SLC2A12: variants seen among roughly 807,000 people sequenced by gnomAD.
SLC2A12 encodes the protein solute carrier family 2 member 12, also known as solute carrier family 2, facilitated glucose transporter member 12.
In SLC2A12, 23 loss-of-function variants were observed where a neutral mutation model predicts 41.8. The observed-to-expected ratio is 0.55, with a 90% CI of 0.40 to 0.78. The LOEUF (loss-of-function observed/expected upper bound fraction) is 0.78. Among genes scored for constraint, SLC2A12 ranks in the 30% least tolerant of loss-of-function variants. The pLI is 0.00. For missense variants in SLC2A12, 654 were observed against 745.6 expected (o/e 0.88, Z 1.43); for synonymous variants, 295 against 285.9 (o/e 1.03, Z -0.32).
intron 1 of SLC2A12, among the ~76,000 whole-genome samples, 164 bp from the exon 2 acceptor site, chr6:134,029,885 TAGA>T (rs1444339631): frequency 1.2e-4 from 18 of 152,232 alleles, no homozygotes; most frequent in Non-Finnish European, 2.1e-4. Flanking sequence ...TGATTTGATA[TAGA>T]AGGAGAAATC....
chr6:133,996,804 TTTGATAAC>T (rs1562189759), intron 4 of SLC2A12, among the ~76,000 whole-genome samples: 1 of 152,186 alleles, frequency 6.6e-6, no homozygotes, highest in Non-Finnish European at 1.5e-5. Context: ...CCTTAACTAA[TTTGATAAC>T]TTACTGTATT....
intron 2 of SLC2A12, among the ~76,000 whole-genome samples, chr6:134,012,724 T>A (rs1414002470): frequency 5.3e-5 from 8 of 152,166 alleles, no homozygotes; most frequent in African/African-American, 1.9e-4. Flanking sequence ...TTCCATTGCT[T>A]TGGGAGGCTG....
Position 133,991,141 on chromosome 6 carries a change from AG to A in SLC2A12, c.*13del. Reference sequence around the variant, plus strand: ...TGTTCTGGCACTATCCACGTTCAGAAGGTGTTGAGGCCATTAGGTCTCTGGA... The same window carrying A: ...TGTTCTGGCACTATCCACGTTCAGAAGTGTTGAGGCCATTAGGTCTCTGGA... On this transcript the variant is annotated 3_prime_UTR_variant, in exon 5 of 5. Coordinates refer to ENST00000275230, the MANE Select transcript of SLC2A12 (RefSeq NM_145176.3). 1 of 1,603,780 alleles carries A rather than the reference AG, an allele frequency of 6.2e-7. No homozygotes were observed. The highest frequency in any genetic ancestry group is 8.5e-7 in the Non-Finnish European group (1 of 1,176,974).
intron 2 of SLC2A12, among the ~76,000 whole-genome samples, chr6:134,012,751 T>C (rs1267505938): frequency 1.3e-5 from 2 of 152,166 alleles, no homozygotes; most frequent in Non-Finnish European, 2.9e-5. Flanking sequence ...GAGGATCCCT[T>C]GAGGCCAGAA....
chr6:134,000,437 A>C (rs937611749), intron 4 of SLC2A12, among the ~76,000 whole-genome samples: 8 of 152,352 alleles, frequency 5.3e-5, no homozygotes, highest in Non-Finnish European at 8.8e-5. Flanking sequence ...TATCAGGTTT[A>C]TTCTTCCTTC....
chr6:134,042,725 G>A (rs907952042), intron 1 of SLC2A12, among the ~76,000 whole-genome samples: 8 of 152,088 alleles, frequency 5.3e-5, no homozygotes, highest in African/African-American at 1.7e-4. Flanking sequence ...AGCACTTTGG[G>A]AGGCAGAAGT....
At chr6:134,044,077 G>A (rs2811683) in intron 1 of SLC2A12, among the ~76,000 whole-genome samples, 67,448 of 151,902 alleles carry the variant, frequency 0.44, 15,236 homozygotes, top group South Asian at 0.59. Context: ...AGAATGCTCC[G>A]TAAAACTACT....
intron 1 of SLC2A12, 149 bp downstream of exon 1, chr6:134,052,229 G>T: frequency 1.7e-6 from 1 of 597,242 alleles, no homozygotes; most frequent in Non-Finnish European, 2.8e-6. Flanking sequence ...CATCCAGCGC[G>T]CCCACATGCG....
chr6:134,044,790 C>G (rs1037321687), intron 1 of SLC2A12, among the ~76,000 whole-genome samples: 1 of 150,938 alleles, frequency 6.6e-6, no homozygotes, highest in Non-Finnish European at 1.5e-5. Context: ...CACTGTGCCT[C>G]TCATGTAGTA....
intron 3 of SLC2A12, among the ~76,000 whole-genome samples, chr6:134,002,460 C>G (rs552891541): frequency 6.6e-6 from 1 of 152,182 alleles, no homozygotes; most frequent in Non-Finnish European, 1.5e-5. Flanking sequence ...AAAGGAACCT[C>G]AAATAACATG....
At chr6:134,041,224 C>G (rs1357865121) in intron 1 of SLC2A12, among the ~76,000 whole-genome samples, 1 of 152,182 alleles carries the variant, frequency 6.6e-6, no homozygotes, top group Non-Finnish European at 1.5e-5. Flanking sequence ...TTTGTCTCTT[C>G]TTAACACTAG....
intron 1 of SLC2A12, among the ~76,000 whole-genome samples, chr6:134,037,555 A>G (rs1333367629): frequency 3.3e-5 from 5 of 151,742 alleles, no homozygotes; most frequent in Non-Finnish European, 7.4e-5. Context: ...GGATTTCACC[A>G]TGTTGGCCTG....
At chr6:133,997,057 C>A (rs150477011) in intron 4 of SLC2A12, among the ~76,000 whole-genome samples, 307 of 125,852 alleles carry the variant, frequency 2.4e-3, no homozygotes, top group African/African-American at 9.4e-3. Context: ...CTGGCTAACA[C>A]GGTGAAACCC....
At chr6:134,030,479 G>C (rs754026331) in intron 1 of SLC2A12, among the ~76,000 whole-genome samples, 1 of 152,132 alleles carries the variant, frequency 6.6e-6, no homozygotes, top group Admixed American at 6.5e-5. Flanking sequence ...CCTTTATATT[G>C]TTCTTTCGTT....
At chr6:134,044,851 G>T (rs1022656942) in intron 1 of SLC2A12, among the ~76,000 whole-genome samples, 2 of 151,626 alleles carry the variant, frequency 1.3e-5, no homozygotes, top group Non-Finnish European at 2.9e-5. Context: ...TTCAGCAATC[G>T]CTTCTTTACT....
chr6:134,040,263 G>C (rs1431686820), intron 1 of SLC2A12, among the ~76,000 whole-genome samples: 1 of 151,764 alleles, frequency 6.6e-6, no homozygotes, highest in Non-Finnish European at 1.5e-5. Context: ...ATTTTTGATA[G>C]AGATGGGGTT....
Position 133,990,658 on chromosome 6 carries a change from A to G in SLC2A12, c.*497T>C, listed in dbSNP as rs1274390639. 6.6e-6 allele frequency: 1 copy of G among 152,374 alleles called. No individual in the cohort carries two copies. The highest frequency in any genetic ancestry group is 1.5e-5 in the Non-Finnish European group (1 of 68,202). 9.4% of individuals were successfully genotyped at this position (152,374 alleles called of 1,614,324 possible). A position where few individuals can be genotyped will look rare whatever the true frequency, so the allele number is the denominator to read the frequency against. Reference sequence around the variant, plus strand: ...TAGCCAGGACCCTCTCCTAATCTAGATAGAATATATGGGCAGTTGTCCACA... The same window carrying G: ...TAGCCAGGACCCTCTCCTAATCTAGGTAGAATATATGGGCAGTTGTCCACA... On this transcript the variant is annotated 3_prime_UTR_variant, in exon 5 of 5. Transcript: ENST00000275230.
At chr6:134,043,797 AAAAAAAAAAAAG>A (rs920686657) in intron 1 of SLC2A12, among the ~76,000 whole-genome samples, 4 of 151,734 alleles carry the variant, frequency 2.6e-5, no homozygotes, top group African/African-American at 9.7e-5. Context: ...TCCCAAAAAA[AAAAAAAAAAAAG>A]AAAAGAAATT....
At chr6:134,038,353 C>CTTTTTTTTTTTT (rs10584884) in intron 1 of SLC2A12, among the ~76,000 whole-genome samples, 1 of 97,518 alleles carries the variant, frequency 1.0e-5, no homozygotes, top group African/African-American at 5.1e-5. Context: ...TTCTTTCTGC[C>CTTTTTTTTTTTT]TTTTTTTTTT....
Sources: allele counts gnomAD v4.1 joint callset (sites outside exome capture counted in the v4.1 genomes callset), GRCh38; gene constraint gnomAD v4.1.1; transcripts MANE v1.5; gene names NCBI Gene and HGNC (gene_info 2026-07-23, HGNC 2026-07-21).